Variants in ALK observed in about 807,000 individuals in gnomAD.
ALK encodes ALK tyrosine kinase receptor.
Under a neutral mutation model 163.1 loss-of-function variants are expected in ALK, and 74 were observed. The observed-to-expected ratio is 0.45, with a 90% confidence interval of 0.38 to 0.55. The LOEUF is 0.55. Ranked by LOEUF, ALK falls within the 20% of genes least tolerant of loss-of-function variation. The pLI, the probability that ALK is intolerant of heterozygous loss-of-function variation, is 0.00. For synonymous variants in ALK, 960 were observed against 843.2 expected, an observed-to-expected ratio of 1.14 and a Z score of -2.40; for missense variants, 2,063 against 2,105.3, an observed-to-expected ratio of 0.98 and a Z score of 0.39.
intron 1 of ALK, among the ~76,000 whole-genome samples, chr2:29,763,395 G>A (rs1680768400): frequency 6.6e-6 from 1 of 152,212 alleles, no homozygotes; most frequent in African/African-American, 2.4e-5. Context: ...CCAGATATGT[G>A]ACCTCTAAGG....
intron 4 of ALK, among the ~76,000 whole-genome samples, chr2:29,475,181 G>A (rs1291529285): frequency 2.0e-5 from 3 of 152,174 alleles, no homozygotes; most frequent in Admixed American, 6.5e-5. Flanking sequence ...GGCAGTGGGC[G>A]AGGTCAGAGG....
intron 5 of ALK, among the ~76,000 whole-genome samples, chr2:29,375,790 T>C (rs961877606): frequency 2.0e-5 from 3 of 152,192 alleles, no homozygotes; most frequent in Admixed American, 2.0e-4. Context: ...CTGTGGTCTT[T>C]CTGAGAAAGG....
chr2:29,416,503 T>C (rs1669880743), intron 4 of ALK, among the ~76,000 whole-genome samples: 1 of 152,210 alleles, frequency 6.6e-6, no homozygotes, highest in Admixed American at 6.5e-5. Context: ...CAAAGGCAAT[T>C]TTCTAAGAGT....
intron 1 of ALK, among the ~76,000 whole-genome samples, chr2:29,830,985 GAA>G (rs1558508349): frequency 1.9e-4 from 10 of 52,036 alleles, no homozygotes; most frequent in Admixed American, 3.7e-4. Flanking sequence ...AGAAGAAGAA[GAA>G]GAAGAAGAAG....
At chr2:29,437,011 A>C (rs1380054373) in intron 4 of ALK, among the ~76,000 whole-genome samples, 2 of 152,302 alleles carry the variant, frequency 1.3e-5, no homozygotes, top group East Asian at 3.9e-4. Flanking sequence ...ATTTGATTCA[A>C]GTGGTGCCCT....
intron 3 of ALK, among the ~76,000 whole-genome samples, chr2:29,678,992 A>G (rs1677978584): frequency 6.6e-6 from 1 of 151,814 alleles, no homozygotes; most frequent in African/African-American, 2.4e-5. Flanking sequence ...ATAATTGTTG[A>G]ATTGTCTTGT....
chr2:29,798,811 T>C (rs575399675), intron 1 of ALK, among the ~76,000 whole-genome samples: 2 of 152,274 alleles, frequency 1.3e-5, no homozygotes, highest in East Asian at 3.9e-4. Flanking sequence ...AGAAGGACTC[T>C]GACCGTTCTG....
rs576212380 is a variant in ALK, at chr2:29,369,710, G to A, written c.1282+14022C>T. On this transcript the variant is annotated intron_variant, in intron 5 of 28. Coordinates refer to ENST00000389048, the MANE Select transcript of ALK (RefSeq NM_004304.5). ...GACAAGCAAAAAGACAAAGATATCC[G>A]GAGTGTGGAGAGGCACACAGAAGAG... is the stretch of plus-strand genomic sequence containing the variant. Among the ~76,000 whole-genome samples the A allele has an allele frequency of 1.1e-4, 17 of 152,302 alleles. No homozygotes were observed. In the South Asian group the frequency reaches 1.9e-3, roughly 17 times the overall value.
intron 3 of ALK, among the ~76,000 whole-genome samples, chr2:29,603,715 AG>A (rs1404865325): frequency 3.9e-5 from 6 of 152,212 alleles, no homozygotes; most frequent in East Asian, 1.9e-4. Context: ...CAGCAAGCTC[AG>A]CACCATTCAG....
At chr2:29,722,401 G>T (rs1679447332) in intron 1 of ALK, among the ~76,000 whole-genome samples, 1 of 152,102 alleles carries the variant, frequency 6.6e-6, no homozygotes. Flanking sequence ...ATTCTCTTTA[G>T]TTCAAAGAAC....
chr2:29,684,139 T>C (rs1678164202), intron 3 of ALK, among the ~76,000 whole-genome samples: 1 of 152,160 alleles, frequency 6.6e-6, no homozygotes, highest in South Asian at 2.1e-4. Context: ...TTCAGAGTGG[T>C]TCATGACTTT....
At chr2:29,291,582 A>G (rs1458943032) in intron 9 of ALK, among the ~76,000 whole-genome samples, 1 of 152,202 alleles carries the variant, frequency 6.6e-6, no homozygotes, top group Non-Finnish European at 1.5e-5. Flanking sequence ...TGTTTTAAGG[A>G]TGAAATTAGA....
chr2:29,523,878 T>C (rs1672882322), intron 4 of ALK, among the ~76,000 whole-genome samples: 1 of 146,388 alleles, frequency 6.8e-6, no homozygotes, highest in African/African-American at 2.5e-5. Context: ...TTTTTTTTTT[T>C]TTTTTTTTTT....
intron 3 of ALK, among the ~76,000 whole-genome samples, chr2:29,561,832 G>A (rs577726098): frequency 2.0e-5 from 3 of 152,184 alleles, no homozygotes; most frequent in East Asian, 3.9e-4. Context: ...CCGGGCATGG[G>A]GGGTAGTGGT....
At chr2:29,559,208 G>T (rs1673947324) in intron 3 of ALK, among the ~76,000 whole-genome samples, 1 of 152,160 alleles carries the variant, frequency 6.6e-6, no homozygotes. Flanking sequence ...GCCTTTCCAG[G>T]AATCTGTATA....
chr2:29,512,734 T>C (rs1672557195), intron 4 of ALK, among the ~76,000 whole-genome samples: 1 of 149,532 alleles, frequency 6.7e-6, no homozygotes, highest in South Asian at 2.2e-4. Flanking sequence ...GACATGATTG[T>C]ATATCTAGAA....
chr2:29,205,817 T>C (rs1669295593), intron 26 of ALK, among the ~76,000 whole-genome samples: 1 of 152,152 alleles, frequency 6.6e-6, no homozygotes, highest in Non-Finnish European at 1.5e-5. Flanking sequence ...ATTTTCCTTA[T>C]AAGGCAACAA....
chr2:29,310,234 A>C (rs1292171748), intron 8 of ALK, among the ~76,000 whole-genome samples: 1 of 152,206 alleles, frequency 6.6e-6, no homozygotes, highest in Non-Finnish European at 1.5e-5. Context: ...TGCCTCTAGC[A>C]GGGTGACTTT....
At chr2:29,597,432 G>T (rs554410035) in intron 3 of ALK, among the ~76,000 whole-genome samples, 2 of 152,316 alleles carry the variant, frequency 1.3e-5, no homozygotes, top group South Asian at 4.1e-4. Context: ...ATTTGGTGCC[G>T]AGTTGTTCCA....
Sources: gnomAD v4.1 joint callset for allele counts (sites outside exome capture counted in the v4.1 genomes callset) on GRCh38, gnomAD v4.1.1 for gene constraint, MANE v1.5 for transcripts, NCBI Gene and HGNC (gene_info 2026-07-23, HGNC 2026-07-21) for gene names.